Variants in NETO1 observed in about 807,000 individuals in gnomAD.
NETO1 encodes neuropilin and tolloid-like protein 1.
Under a neutral mutation model 61.3 loss-of-function variants are expected in NETO1, and 26 were observed. That is an observed-to-expected ratio of 0.42 (90% CI 0.31 to 0.59). The LOEUF is 0.59. Among genes scored for constraint, NETO1 ranks in the 20% least tolerant of loss-of-function variants. NETO1 has a pLI of 0.12. For missense variants in NETO1, 531 were observed against 662.8 expected (o/e 0.80, Z 2.18); for synonymous variants, 225 against 225.8 (o/e 1.00, Z 0.03).
chr18:72,777,033 GACAGGC>G (rs1235828591), intron 7 of NETO1, among the ~76,000 whole-genome samples: 1 of 152,176 alleles, frequency 6.6e-6, no homozygotes, highest in Non-Finnish European at 1.5e-5. Flanking sequence ...TAAACGATGG[GACAGGC>G]ATAGGACAGT....
At chr18:72,787,632 T>C (rs1463837781) in intron 6 of NETO1, among the ~76,000 whole-genome samples, 1 of 152,242 alleles carries the variant, frequency 6.6e-6, no homozygotes, top group Middle Eastern at 3.2e-3. Context: ...CATTATTTCA[T>C]ATCTCTCAAC....
rs551746062 is a variant in NETO1 at position 72,851,149 on chromosome 18, C to T, written c.469+7677G>A. On this transcript the variant is annotated intron_variant, in intron 4 of 10. Coordinates refer to ENST00000327305, the MANE Select transcript of NETO1 (RefSeq NM_138966.5). ...GAGATCGGCCGGGCATGGTGGCTCACGCCTGTAATCCCACCACTTTGGGAA... is the reference window on the plus strand; with the variant it reads ...GAGATCGGCCGGGCATGGTGGCTCATGCCTGTAATCCCACCACTTTGGGAA... Among the ~76,000 whole-genome samples, 534 of 152,030 alleles carry T rather than the reference C, an allele frequency of 3.5e-3. 6 individuals are homozygous for T. Among genetic ancestry groups the T allele is most frequent in the African/African-American group, 0.012 (513 of 41,480 alleles).
intron 4 of NETO1, among the ~76,000 whole-genome samples, chr18:72,814,540 A>G (rs1399959427): frequency 1.3e-5 from 2 of 152,122 alleles, no homozygotes; most frequent in African/African-American, 4.8e-5. Flanking sequence ...ATCTAAACCC[A>G]GATATATGAA....
Position 72,756,550 on chromosome 18 carries a change from A to T in NETO1, c.869-403T>A, listed in dbSNP as rs113417628. Reference sequence around the variant, plus strand: ...TAATAGAAATTTTTAAATAATTTTGAAAAACATATACTTACCAAGTACTAA... The same window carrying T: ...TAATAGAAATTTTTAAATAATTTTGTAAAACATATACTTACCAAGTACTAA... On this transcript the variant is annotated intron_variant, in intron 7 of 10. Transcript: ENST00000327305. Among the ~76,000 whole-genome samples the T allele has an allele frequency of 9.1e-3, 1,383 of 152,310 alleles. 16 individuals carry two copies. Among genetic ancestry groups the T allele is most frequent in the African/African-American group, 0.031 (1,303 of 41,574 alleles).
At chr18:72,766,044 T>C (rs1298678075) in intron 7 of NETO1, among the ~76,000 whole-genome samples, 1 of 151,954 alleles carries the variant, frequency 6.6e-6, no homozygotes, top group Non-Finnish European at 1.5e-5. Context: ...TCATCTCTAC[T>C]AAAAATACAA....
intron 4 of NETO1, among the ~76,000 whole-genome samples, chr18:72,828,249 T>A (rs2073450562): frequency 6.6e-6 from 1 of 152,102 alleles, no homozygotes; most frequent in Non-Finnish European, 1.5e-5. Flanking sequence ...AGGCGAAGGT[T>A]TCAATGAGCC....
At chr18:72,826,438 C>A (rs2073375877) in intron 4 of NETO1, among the ~76,000 whole-genome samples, 1 of 150,922 alleles carries the variant, frequency 6.6e-6, no homozygotes, top group Non-Finnish European at 1.5e-5. Context: ...CAGTGTAATT[C>A]TTTTCTCGTG....
At chr18:72,794,443 A>C (rs770459584) in intron 4 of NETO1, 39 bp from the exon 5 acceptor site, 1 of 1,568,726 alleles carries the variant, frequency 6.4e-7, no homozygotes, top group Non-Finnish European at 8.7e-7. Context: ...CCCATTCTAC[A>C]TTTATTACTT....
chr18:72,803,616 G>T (rs1278592424), intron 4 of NETO1, among the ~76,000 whole-genome samples: 3 of 152,112 alleles, frequency 2.0e-5, no homozygotes, highest in African/African-American at 7.2e-5. Context: ...GAGGCTGGGA[G>T]TTCAAGACCA....
intron 8 of NETO1, among the ~76,000 whole-genome samples, chr18:72,754,891 G>A (rs994255256): frequency 1.2e-4 from 19 of 152,086 alleles, no homozygotes; most frequent in African/African-American, 2.4e-4. Flanking sequence ...CAGCAAATAC[G>A]TATTCTTTTC....
At chr18:72,835,230 C>G (rs949435456) in intron 4 of NETO1, 28 of 1,495,678 alleles carry the variant, frequency 1.9e-5, no homozygotes, top group Non-Finnish European at 2.4e-5. Context: ...GATCAACGTT[C>G]TGGGCACCAC....
At chr18:72,831,060 G>A (rs1484220) in intron 4 of NETO1, among the ~76,000 whole-genome samples, 94,177 of 151,874 alleles carry the variant, frequency 0.62, 31,268 homozygotes, top group Non-Finnish European at 0.76. Context: ...ATACTTCACT[G>A]TGCTCTTCTG....
intron 4 of NETO1, among the ~76,000 whole-genome samples, chr18:72,837,044 G>A (rs1441160037): frequency 1.3e-5 from 2 of 152,128 alleles, no homozygotes; most frequent in Admixed American, 1.3e-4. Flanking sequence ...CTCGTGTGAT[G>A]TGGACTTGAA....
intron 4 of NETO1, among the ~76,000 whole-genome samples, chr18:72,818,528 G>A (rs1006448590): frequency 2.0e-5 from 3 of 152,088 alleles, no homozygotes; most frequent in Non-Finnish European, 4.4e-5. Flanking sequence ...ATTTTCATAT[G>A]TGATTTCATT....
At chr18:72,808,764 G>A (rs910547319) in intron 4 of NETO1, among the ~76,000 whole-genome samples, 1 of 152,180 alleles carries the variant, frequency 6.6e-6, no homozygotes, top group Non-Finnish European at 1.5e-5. Context: ...TCTAAATAGA[G>A]CTGGAGCAGC....
chr18:72,859,776 G>T (rs902144309), intron 3 of NETO1, among the ~76,000 whole-genome samples: 38 of 152,004 alleles, frequency 2.5e-4, no homozygotes, highest in African/African-American at 8.5e-4. Context: ...TTACATTTTT[G>T]AATATCTACA....
chr18:72,866,217 G>A (rs550020184), intron 1 of NETO1, among the ~76,000 whole-genome samples: 2 of 152,080 alleles, frequency 1.3e-5, no homozygotes, highest in Admixed American at 6.5e-5. Context: ...AAATGAATTC[G>A]GGGGAGAGAA....
intron 8 of NETO1, among the ~76,000 whole-genome samples, chr18:72,755,119 C>T (rs527916775): frequency 1.4e-4 from 22 of 152,272 alleles, no homozygotes; most frequent in South Asian, 1.2e-3. Context: ...CATGGGACCA[C>T]GTTTATATAG....
chr18:72,864,868 TA>T lies in NETO1; in HGVS notation c.159del (p.Phe53LeufsTer20). 6.2e-7 allele frequency: 1 copy of T among 1,613,898 alleles called. No homozygotes were observed. The highest frequency in any genetic ancestry group is 8.5e-7 in the Non-Finnish European group (1 of 1,179,944). ...TWTKHAEGGI[F>X]TSPNYPSKYP... Reference sequence around the variant, plus strand: ...TACTTGCTGGGATAGTTGGGAGAGGTAAAGATACCTCCCTCTGCATGTTTTG... The same window carrying T: ...TACTTGCTGGGATAGTTGGGAGAGGTAAGATACCTCCCTCTGCATGTTTTG... On this transcript the variant is annotated frameshift_variant, in exon 3 of 11. Coordinates refer to ENST00000327305, the MANE Select transcript of NETO1 (RefSeq NM_138966.5). LOFTEE classifies it high-confidence loss of function.
Sources: gnomAD v4.1 joint callset for allele counts (sites outside exome capture counted in the v4.1 genomes callset) on GRCh38, gnomAD v4.1.1 for gene constraint, MANE v1.5 for transcripts, NCBI Gene and HGNC (gene_info 2026-07-23, HGNC 2026-07-21) for gene names.